Variants in GRIK2 observed in about 807,000 individuals in gnomAD.
GRIK2 encodes the protein glutamate receptor ionotropic, kainate 2.
In GRIK2, 32 loss-of-function variants were observed where a neutral mutation model predicts 100.3. The observed-to-expected ratio is 0.32, with a 90% CI of 0.24 to 0.43. The LOEUF (loss-of-function observed/expected upper bound fraction) is 0.43, where lower values mean the gene tolerates loss of function less well. Among genes scored for constraint, GRIK2 ranks in the 20% least tolerant of loss-of-function variants. The probability of loss-of-function intolerance (pLI) is 1.00; values close to 1 mark genes in which losing one functional copy is unlikely to be tolerated. For synonymous variants in GRIK2, 417 were observed against 389.4 expected, an observed-to-expected ratio of 1.07 and a Z score of -0.83; for missense variants, 843 against 1,114.9, an observed-to-expected ratio of 0.76 and a Z score of 3.47.
chr6:101,993,460 A>T (rs1794479847), intron 14 of GRIK2: 1 of 151,338 alleles, frequency 6.6e-6, no homozygotes, highest in Non-Finnish European at 1.5e-5. Context: ...GACATGGTAA[A>T]CTATATTTCC....
chr6:101,859,193 T>C (rs535516378), intron 10 of GRIK2, 94 bp from the exon 11 acceptor site: 86 of 639,942 alleles, frequency 1.3e-4, no homozygotes, highest in Non-Finnish European at 1.8e-4. Context: ...CCTAAATTAA[T>C]GAGAAAATTT....
At chr6:101,478,506 G>GT (rs5878666) in intron 2 of GRIK2, among the ~76,000 whole-genome samples, 16,317 of 119,504 alleles carry the variant, frequency 0.14, 1,132 homozygotes, top group Non-Finnish European at 0.15. Flanking sequence ...TTCTGTTTTG[G>GT]TTTTTTTTTT....
At chr6:101,787,998 T>A (rs1384803743) in intron 7 of GRIK2, among the ~76,000 whole-genome samples, 1 of 152,148 alleles carries the variant, frequency 6.6e-6, no homozygotes, top group Non-Finnish European at 1.5e-5. Flanking sequence ...GCATAAATAT[T>A]TAGAAATGTC....
chr6:101,769,724 A>T (rs931263481), intron 7 of GRIK2, among the ~76,000 whole-genome samples: 6 of 152,332 alleles, frequency 3.9e-5, no homozygotes, highest in Non-Finnish European at 8.8e-5. Context: ...AACCTAAGTA[A>T]CAGTGAGAGA....
intron 2 of GRIK2, among the ~76,000 whole-genome samples, chr6:101,558,693 G>C (rs2518221): frequency 0.8 from 117,031 of 146,746 alleles, 47,005 homozygotes; most frequent in African/African-American, 0.87. Context: ...TATGTTGACT[G>C]CTAGTTTTCA....
chr6:101,789,126 GT>G (rs1779645141), intron 7 of GRIK2, among the ~76,000 whole-genome samples: 1 of 152,032 alleles, frequency 6.6e-6, no homozygotes. Flanking sequence ...AGATGAGTAG[GT>G]TGCGAAAATT....
intron 15 of GRIK2, among the ~76,000 whole-genome samples, chr6:102,036,988 G>A (rs922031178): frequency 2.6e-5 from 4 of 151,168 alleles, no homozygotes; most frequent in Admixed American, 1.3e-4. Context: ...GGTTAAAACC[G>A]ATCATTGATT....
intron 14 of GRIK2, among the ~76,000 whole-genome samples, chr6:101,953,108 T>C (rs1033778411): frequency 1.6e-4 from 25 of 152,200 alleles, no homozygotes; most frequent in African/African-American, 6.0e-4. Flanking sequence ...AATTTTATTC[T>C]TCTTTTTGCA....
intron 10 of GRIK2, among the ~76,000 whole-genome samples, chr6:101,839,939 A>G (rs1320335514): frequency 6.6e-6 from 1 of 152,136 alleles, no homozygotes; most frequent in Admixed American, 6.6e-5. Context: ...GCAGTTAGAT[A>G]TGTAATTCCA....
At chr6:101,951,129 A>G (rs1350979669) in intron 14 of GRIK2, among the ~76,000 whole-genome samples, 1 of 152,218 alleles carries the variant, frequency 6.6e-6, no homozygotes, top group African/African-American at 2.4e-5. Flanking sequence ...CATTGAGTGC[A>G]GTCATCCAAA....
At chr6:101,995,606 T>C (rs1410858128) in intron 14 of GRIK2, among the ~76,000 whole-genome samples, 1 of 151,984 alleles carries the variant, frequency 6.6e-6, no homozygotes, top group Non-Finnish European at 1.5e-5. Flanking sequence ...TTCTAATTTA[T>C]TTCCAAATAA....
chr6:101,941,639 AAG>A (rs1790960600), intron 14 of GRIK2, among the ~76,000 whole-genome samples: 1 of 152,152 alleles, frequency 6.6e-6, no homozygotes, highest in Non-Finnish European at 1.5e-5. Context: ...TTTTTAAACA[AAG>A]AGACCATTTT....
chr6:101,695,441 G>C (rs1455676993), intron 7 of GRIK2, among the ~76,000 whole-genome samples: 7 of 151,982 alleles, frequency 4.6e-5, no homozygotes, highest in Admixed American at 4.6e-4. Flanking sequence ...TTTTGGAAGG[G>C]GGCACTGTCA....
intron 14 of GRIK2, among the ~76,000 whole-genome samples, chr6:102,026,150 A>ATATG (rs1769694238): frequency 8.5e-6 from 1 of 118,040 alleles, no homozygotes. Context: ...ATATATATAT[A>ATATG]TATATGAAGA....
chr6:101,767,589 T>A, intron 7 of GRIK2, among the ~76,000 whole-genome samples: 1 of 152,302 alleles, frequency 6.6e-6, no homozygotes, highest in Middle Eastern at 3.4e-3. Flanking sequence ...TAGATTTTTT[T>A]AAAGCAAATT....
At chr6:101,760,416 ATAAT>A (rs1432862464) in intron 7 of GRIK2, among the ~76,000 whole-genome samples, 1,810 of 33,916 alleles carry the variant, frequency 0.053, 261 homozygotes, top group East Asian at 0.083. Context: ...TTTATTATAT[ATAAT>A]TAATTATATT....
At chr6:101,498,768 G>A (rs1461319065) in intron 2 of GRIK2, among the ~76,000 whole-genome samples, 1 of 152,016 alleles carries the variant, frequency 6.6e-6, no homozygotes, top group Admixed American at 6.6e-5. Context: ...CTGGATATTA[G>A]CCCTTTATCA....
chr6:101,589,835 G>A (rs1778556201), intron 2 of GRIK2, among the ~76,000 whole-genome samples: 1 of 152,090 alleles, frequency 6.6e-6, no homozygotes, highest in Admixed American at 6.6e-5. Flanking sequence ...GCCATGGAGA[G>A]AAGTAGTTTG....
chr6:101,697,667 A>G (rs1772593625), intron 7 of GRIK2, among the ~76,000 whole-genome samples: 1 of 152,038 alleles, frequency 6.6e-6, no homozygotes, highest in South Asian at 2.1e-4. Flanking sequence ...GTAGAAGACT[A>G]TTAAATATAT....
Sources: gnomAD v4.1 joint callset for allele counts (sites outside exome capture counted in the v4.1 genomes callset) on GRCh38, gnomAD v4.1.1 for gene constraint, MANE v1.5 for transcripts, NCBI Gene and HGNC (gene_info 2026-07-23, HGNC 2026-07-21) for gene names.